Variants in FHIT observed in about 807,000 individuals in gnomAD.
The protein encoded by FHIT is bis(5'-adenosyl)-triphosphatase.
In FHIT, 19 loss-of-function variants were observed where a neutral mutation model predicts 17.9. The observed-to-expected ratio is 1.06, with a 90% confidence interval of 0.74 to 1.56. FHIT has a LOEUF of 1.56. FHIT is among the 40% of genes most tolerant of loss of function. FHIT has a pLI of 0.00. For synonymous variants in FHIT, 81 were observed against 69.7 expected, an observed-to-expected ratio of 1.16 and a Z score of -0.81; for missense variants, 248 against 189.2, an observed-to-expected ratio of 1.31 and a Z score of -1.82.
chr3:59,857,705 G>GTTT (rs78150569), intron 8 of FHIT, among the ~76,000 whole-genome samples: 15 of 115,402 alleles, frequency 1.3e-4, no homozygotes, highest in African/African-American at 1.8e-4. Flanking sequence ...AAAGTGCTGG[G>GTTT]TTTTTTTTTT....
At chr3:60,691,007 G>C (rs1387041762) in intron 4 of FHIT, among the ~76,000 whole-genome samples, 1 of 152,118 alleles carries the variant, frequency 6.6e-6, no homozygotes, top group Admixed American at 6.6e-5. Flanking sequence ...GTTTGCCTGT[G>C]TGTGTGAAGG....
intron 3 of FHIT, among the ~76,000 whole-genome samples, chr3:60,870,516 A>G (rs756934678): frequency 6.6e-6 from 1 of 152,118 alleles, no homozygotes; most frequent in Non-Finnish European, 1.5e-5. Context: ...AAGGCCTTGG[A>G]GTTTCAGTTC....
intron 7 of FHIT, among the ~76,000 whole-genome samples, chr3:59,923,020 G>A (rs148631368): frequency 0.045 from 6,817 of 151,976 alleles, 212 homozygotes; most frequent in South Asian, 0.094. Context: ...AGCACTTTGG[G>A]AGGCCGAGGT....
intron 8 of FHIT, among the ~76,000 whole-genome samples, chr3:59,754,697 G>A (rs551429974): frequency 7.2e-5 from 11 of 152,290 alleles, no homozygotes; most frequent in South Asian, 2.1e-4. Flanking sequence ...TTAGGCAACC[G>A]TCTGTTATTG....
At chr3:60,745,699 C>T (rs953289147) in intron 4 of FHIT, among the ~76,000 whole-genome samples, 21 of 152,200 alleles carry the variant, frequency 1.4e-4, no homozygotes, top group African/African-American at 4.8e-4. Context: ...GATGTAGCCA[C>T]ATTGACATAT....
At chr3:60,146,396 G>A (rs958204297) in intron 5 of FHIT, among the ~76,000 whole-genome samples, 1 of 151,896 alleles carries the variant, frequency 6.6e-6, no homozygotes, top group African/African-American at 2.4e-5. Context: ...CATGATACTA[G>A]ATCCAGCTAT....
intron 1 of FHIT, among the ~76,000 whole-genome samples, chr3:61,205,822 A>C (rs2039210105): frequency 1.3e-5 from 2 of 151,366 alleles, no homozygotes; most frequent in Non-Finnish European, 2.9e-5. Flanking sequence ...CTTTAGTTTA[A>C]TTAGATCCCA....
At chr3:61,032,803 G>A (rs1193691122) in intron 3 of FHIT, among the ~76,000 whole-genome samples, 6 of 152,194 alleles carry the variant, frequency 3.9e-5, no homozygotes, top group Non-Finnish European at 8.8e-5. Flanking sequence ...GTGAGGGATT[G>A]GCCCATGCCA....
intron 2 of FHIT, among the ~76,000 whole-genome samples, chr3:61,161,190 G>A (rs1318280226): frequency 6.7e-5 from 10 of 148,724 alleles, no homozygotes; most frequent in African/African-American, 2.5e-4. Context: ...CATGATTAGA[G>A]CAGAAGAAAA....
intron 5 of FHIT, among the ~76,000 whole-genome samples, chr3:60,100,479 A>C (rs556767218): frequency 6.6e-6 from 1 of 152,232 alleles, no homozygotes; most frequent in East Asian, 1.9e-4. Context: ...CCAAGTCCAG[A>C]ATTGTGTCAT....
At position 60,319,674 on chromosome 3, in the gene FHIT, C is replaced by G. The variant is rs148320134; in HGVS notation, c.103+217186G>C. On this transcript the variant is annotated intron_variant, in intron 5 of 9. Transcript: ENST00000492590. ...AGAACAGCAAACAGCCCAACTCAAACAGCAGCACAGCCACAATGAAACCGC... is the reference window on the plus strand; with the variant it reads ...AGAACAGCAAACAGCCCAACTCAAAGAGCAGCACAGCCACAATGAAACCGC... Among the ~76,000 whole-genome samples the G allele has an allele frequency of 8.2e-4, 125 of 152,282 alleles. 2 individuals carry two copies. The East Asian group carries it at 0.022, about 27-fold the overall frequency.
chr3:60,366,303 G>A (rs112721840), intron 5 of FHIT, among the ~76,000 whole-genome samples: 1 of 152,054 alleles, frequency 6.6e-6, no homozygotes, highest in African/African-American at 2.4e-5. Flanking sequence ...AGCCTCATGA[G>A]TAGTAGAGAT....
intron 3 of FHIT, among the ~76,000 whole-genome samples, chr3:60,835,223 G>A (rs927286066): frequency 1.4e-5 from 2 of 146,730 alleles, no homozygotes; most frequent in African/African-American, 5.1e-5. Flanking sequence ...CTTTGTTTCT[G>A]TATAAATTTT....
In FHIT at chr3:60,920,825, G is replaced by A. The variant is rs1422815926; in HGVS notation, c.-110-98814C>T. ...AGGAAAAAGGCATGATCCCATGATC[G>A]GATTATCATCATTAGAAAACCACTA... On this transcript the variant is annotated intron_variant, in intron 3 of 9. Coordinates refer to ENST00000492590, the MANE Select transcript of FHIT (RefSeq NM_002012.4). Among the ~76,000 whole-genome samples the A allele has an allele frequency of 3.3e-5, 5 of 152,208 alleles. No individual in the cohort carries two copies. The East Asian group carries it at 7.7e-4, about 24-fold the overall frequency.
intron 4 of FHIT, among the ~76,000 whole-genome samples, chr3:60,750,263 AGTATAAG>A (rs1244541685): frequency 6.6e-6 from 1 of 152,276 alleles, no homozygotes; most frequent in Non-Finnish European, 1.5e-5. Flanking sequence ...AAATAGTTGC[AGTATAAG>A]GTCTAAAATC....
At chr3:60,897,915 T>C (rs1705913260) in intron 3 of FHIT, among the ~76,000 whole-genome samples, 1 of 152,222 alleles carries the variant, frequency 6.6e-6, no homozygotes, top group African/African-American at 2.4e-5. Flanking sequence ...TCACCAATAG[T>C]ATACTTTATT....
intron 5 of FHIT, among the ~76,000 whole-genome samples, chr3:60,066,551 A>G (rs1702513497): frequency 6.6e-6 from 1 of 150,870 alleles, no homozygotes; most frequent in East Asian, 2.0e-4. Flanking sequence ...ACGCCAACAT[A>G]ACTTCTGGTC....
chr3:59,922,562 T>C, intron 7 of FHIT, 148 bp from the exon 8 acceptor site: 1 of 658,650 alleles, frequency 1.5e-6, no homozygotes, highest in Non-Finnish European at 2.6e-6. Context: ...CTTCGGTAAC[T>C]ATACCTGAAA....
At chr3:60,220,422 C>T (rs926969941) in intron 5 of FHIT, among the ~76,000 whole-genome samples, 1 of 151,576 alleles carries the variant, frequency 6.6e-6, no homozygotes, top group African/African-American at 2.4e-5. Flanking sequence ...GGAAATAATG[C>T]CCAAGAGATA....
Sources: gnomAD v4.1 joint callset for allele counts (sites outside exome capture counted in the v4.1 genomes callset) on GRCh38, gnomAD v4.1.1 for gene constraint, MANE v1.5 for transcripts, NCBI Gene and HGNC (gene_info 2026-07-23, HGNC 2026-07-21) for gene names.